GPR35: variants seen among roughly 807,000 people sequenced by gnomAD.
GPR35 encodes KYNA receptor.
For missense variants in GPR35, 372 were observed against 422.5 expected (o/e 0.88, Z 1.05); for synonymous variants, 207 against 198.4 (o/e 1.04, Z -0.36).
chr2:240,620,089 A>G (rs965429693), intron 5 of GPR35, among the ~76,000 whole-genome samples: 3 of 152,138 alleles, frequency 2.0e-5, no homozygotes, highest in South Asian at 2.1e-4. Flanking sequence ...GAAAAGGGAA[A>G]GCCGCTGGAA....
intron 4 of GPR35, among the ~76,000 whole-genome samples, chr2:240,617,954 C>T (rs563966630): frequency 2.0e-5 from 3 of 152,316 alleles, no homozygotes; most frequent in Middle Eastern, 3.4e-3. Context: ...TCTCCAAGAG[C>T]CCCTCTTCCT....
chr2:240,609,917 T>C (rs758812983), intron 2 of GPR35, among the ~76,000 whole-genome samples: 32 of 152,218 alleles, frequency 2.1e-4, no homozygotes, highest in Non-Finnish European at 4.6e-4. Context: ...ACATTTAGAA[T>C]TGTTAGATAT....
At chr2:240,618,865 T>C (rs2043264374) in intron 4 of GPR35, 1 of 640,126 alleles carries the variant, frequency 1.6e-6, no homozygotes, top group Non-Finnish European at 2.8e-6. Context: ...TGTGTAGAAA[T>C]ATTTCTCCCT....
upstream of GPR35, among the ~76,000 whole-genome samples, chr2:240,621,783 A>G (rs2043298371): frequency 6.6e-6 from 1 of 152,178 alleles, no homozygotes. Context: ...CAAGAGGGGG[A>G]ACACCCCAGC....
intron 2 of GPR35, among the ~76,000 whole-genome samples, chr2:240,610,617 C>T (rs2043173930): frequency 6.6e-6 from 1 of 151,984 alleles, no homozygotes; most frequent in Non-Finnish European, 1.5e-5. Context: ...TGTGGCACCA[C>T]ACGTGGCTAA....
upstream of GPR35, among the ~76,000 whole-genome samples, chr2:240,620,502 G>A (rs990986708): frequency 3.3e-5 from 5 of 152,058 alleles, no homozygotes; most frequent in African/African-American, 9.7e-5. Flanking sequence ...CCCTGGGTGC[G>A]ACTTGCAGCC....
chr2:240,608,428 G>A (rs2043156604), intron 2 of GPR35, among the ~76,000 whole-genome samples: 1 of 152,142 alleles, frequency 6.6e-6, no homozygotes, highest in Admixed American at 6.5e-5. Context: ...TTATCACGTT[G>A]AGGAAGTTCT....
intron 2 of GPR35, among the ~76,000 whole-genome samples, chr2:240,613,348 G>C: frequency 6.6e-6 from 1 of 152,104 alleles, no homozygotes; most frequent in African/African-American, 2.4e-5. Flanking sequence ...GTGCATTTGA[G>C]TGCAAGTGTG....
rs567089960 is a variant in GPR35, at chr2:240,632,683, G to T, written c.*1801G>T. 2.5e-4 allele frequency among the ~76,000 whole-genome samples: 38 copies of T among 149,930 alleles called. No individual in the cohort carries two copies. Among genetic ancestry groups the T allele is most frequent in the African/African-American group, 7.9e-4 (32 of 40,730 alleles). ...CCATGAGGGTCCATGCCCAGTAAGG[G>T]CCATGCCCATGAGATCCTCATGCCC... On this transcript the variant is annotated 3_prime_UTR_variant, in exon 2 of 2. Transcript: ENST00000407714.
upstream of GPR35, among the ~76,000 whole-genome samples, chr2:240,623,638 G>T (rs148851831): frequency 6.6e-6 from 1 of 152,264 alleles, no homozygotes; most frequent in African/African-American, 2.4e-5. Context: ...GAGGGCCCAG[G>T]CTCCAGGCTG....
At chr2:240,625,191 G>A (rs1215333630), upstream of GPR35, 16 of 863,320 alleles carry the variant, frequency 1.9e-5, no homozygotes, top group Middle Eastern at 5.8e-4. Context: ...GGAAGGCTCC[G>A]TGGGCGGGGC....
chr2:240,608,682 G>A (rs1559432085), intron 2 of GPR35, among the ~76,000 whole-genome samples: 1 of 152,136 alleles, frequency 6.6e-6, no homozygotes, highest in Non-Finnish European at 1.5e-5. Context: ...GTTTATGCAT[G>A]ATATTGGCCT....
chr2:240,611,145 T>C (rs2043179344), intron 2 of GPR35, among the ~76,000 whole-genome samples: 1 of 152,094 alleles, frequency 6.6e-6, no homozygotes, highest in African/African-American at 2.4e-5. Flanking sequence ...TTCGGTAGTT[T>C]TAGTAGAGAT....
chr2:240,622,650 A>G (rs1180835091), upstream of GPR35, among the ~76,000 whole-genome samples: 2 of 152,234 alleles, frequency 1.3e-5, no homozygotes, highest in African/African-American at 4.8e-5. Flanking sequence ...GCTCCCCTAG[A>G]TAGGGCTGCA....
chr2:240,624,012 G>C (rs76085384), upstream of GPR35, among the ~76,000 whole-genome samples: 1 of 151,376 alleles, frequency 6.6e-6, no homozygotes, highest in African/African-American at 2.4e-5. Flanking sequence ...CTGGTGGTGG[G>C]GGGGGTGGGG....
chr2:240,629,753 T>C, intron 1 of GPR35, 196 bp from the exon 2 acceptor site: 2 of 576,450 alleles, frequency 3.5e-6, no homozygotes, highest in Non-Finnish European at 6.2e-6. Flanking sequence ...AGAGGATCTG[T>C]CCAGGGGTTA....
chr2:240,614,068 G>T (rs1308620845), intron 2 of GPR35, among the ~76,000 whole-genome samples: 1 of 151,358 alleles, frequency 6.6e-6, no homozygotes, highest in African/African-American at 2.4e-5. Context: ...CCCTAACCAT[G>T]CCTCATGTGG....
rs186485514 is a variant in GPR35 at position 240,608,305 on chromosome 2, G to A, written c.-577+1693G>A. Among the ~76,000 whole-genome samples, 37 of 152,188 alleles carry A rather than the reference G, an allele frequency of 2.4e-4. 1 individual carries two copies. Among genetic ancestry groups the A allele is most frequent in the Admixed American group, 8.5e-4 (13 of 15,288 alleles). ...TCCTCTGGCTGGGACCTCCAATACC[G>A]TTTTTAATAGAAATGTGAGAGCCAC... On this transcript the variant is annotated intron_variant, in intron 2 of 5. Transcript: ENST00000319838.
chr2:240,616,724 T>C (rs2043241724), intron 3 of GPR35, among the ~76,000 whole-genome samples: 1 of 129,208 alleles, frequency 7.7e-6, no homozygotes, highest in African/African-American at 3.0e-5. Flanking sequence ...CTTACTCACT[T>C]ATAACAAACA....
Sources: allele counts gnomAD v4.1 joint callset (sites outside exome capture counted in the v4.1 genomes callset), GRCh38; gene constraint gnomAD v4.1.1; transcripts MANE v1.5; gene names NCBI Gene and HGNC (gene_info 2026-07-23, HGNC 2026-07-21).